Variants in LPP observed in about 807,000 individuals in gnomAD.
LPP encodes lipoma-preferred partner.
Under a neutral mutation model 60.4 loss-of-function variants are expected in LPP, and 38 were observed. That is an observed-to-expected ratio of 0.63 (90% CI 0.49 to 0.83). LPP has a LOEUF of 0.83. LPP is among the 40% of genes least tolerant of loss of function. The pLI, the probability that LPP is intolerant of heterozygous loss-of-function variation, is 0.00. For missense variants in LPP, 902 were observed against 783.6 expected, an observed-to-expected ratio of 1.15 and a Z score of -1.80; for synonymous variants, 328 against 290.8, an observed-to-expected ratio of 1.13 and a Z score of -1.30.
intron 5 of LPP, among the ~76,000 whole-genome samples, chr3:188,490,254 G>C (rs566267197): frequency 6.6e-6 from 1 of 152,280 alleles, no homozygotes; most frequent in South Asian, 2.1e-4. Context: ...AGAGTAACAT[G>C]AGCTATGCCC....
At chr3:188,484,850 T>A (rs1187277918) in intron 5 of LPP, 146 bp downstream of exon 5, 1 of 605,064 alleles carries the variant, frequency 1.7e-6, no homozygotes, top group African/African-American at 1.8e-5. Flanking sequence ...TTACAACTTA[T>A]GAAGATCTAA....
At chr3:188,497,862 C>T (rs1810695535) in intron 5 of LPP, among the ~76,000 whole-genome samples, 2 of 152,068 alleles carry the variant, frequency 1.3e-5, no homozygotes, top group African/African-American at 4.8e-5. Context: ...TCTTCTTGCC[C>T]AGTGGGGATA....
rs1833729938 is a variant in LPP at position 188,572,400 on chromosome 3, C to G, written c.430-36761C>G. Among the ~76,000 whole-genome samples, 1 of 151,998 alleles carries G rather than the reference C, an allele frequency of 6.6e-6. No individual in the cohort carries two copies. The highest frequency in any genetic ancestry group is 1.5e-5 in the Non-Finnish European group (1 of 67,998). On this transcript the variant is annotated intron_variant, in intron 6 of 11. Coordinates refer to ENST00000617246, the MANE Select transcript of LPP (RefSeq NM_001375462.1). This position sits in a 1 kb window ranked among gnomAD's most constrained non-coding sequence, Gnocchi z 4.1. ...ATTTGATGGGGTAGTGTAGTAAGAA[C>G]TCAATAAATGTTAGACTCCTCATTA...
intron 7 of LPP, among the ~76,000 whole-genome samples, chr3:188,657,833 T>G (rs2149067721): frequency 6.6e-6 from 1 of 152,318 alleles, no homozygotes; most frequent in East Asian, 1.9e-4. Flanking sequence ...CTCTTACAGA[T>G]TCTTCCATTT....
intron 2 of LPP, among the ~76,000 whole-genome samples, chr3:188,271,656 T>A (rs943525670): frequency 1.3e-5 from 2 of 152,218 alleles, no homozygotes; most frequent in African/African-American, 4.8e-5. Context: ...TAGTCTATTT[T>A]CAACAGACTA....
chr3:188,401,794 C>T (rs2030520), intron 3 of LPP, among the ~76,000 whole-genome samples: 92,337 of 152,030 alleles, frequency 0.61, 29,174 homozygotes, highest in African/African-American at 0.79. Context: ...CACCATGTGA[C>T]GAATATGTGA....
intron 7 of LPP, among the ~76,000 whole-genome samples, chr3:188,686,265 C>T (rs996325023): frequency 6.6e-6 from 1 of 152,140 alleles, no homozygotes; most frequent in Non-Finnish European, 1.5e-5. Context: ...ATGGCACTTC[C>T]AGTGGCTGAT....
At chr3:188,498,715 A>G (rs1339170726) in intron 5 of LPP, among the ~76,000 whole-genome samples, 1 of 152,100 alleles carries the variant, frequency 6.6e-6, no homozygotes, top group Non-Finnish European at 1.5e-5. Flanking sequence ...TCTATTTTTA[A>G]TATTTTGAGG....
intron 3 of LPP, among the ~76,000 whole-genome samples, chr3:188,365,131 TC>T (rs1380543128): frequency 3.4e-5 from 5 of 147,502 alleles, no homozygotes; most frequent in Non-Finnish European, 1.5e-5. Flanking sequence ...TTTTTTTTTT[TC>T]TGGTGACCTC....
At chr3:188,269,645 A>ATATATGTGTGTG (rs748506984) in intron 2 of LPP, among the ~76,000 whole-genome samples, 3 of 136,516 alleles carry the variant, frequency 2.2e-5, no homozygotes, top group South Asian at 2.4e-4. Context: ...CTTTTTTTTT[A>ATATATGTGTGTG]TGTGTGTGTG....
chr3:188,765,499 T>C (rs1733740798), intron 9 of LPP, among the ~76,000 whole-genome samples: 1 of 152,216 alleles, frequency 6.6e-6, no homozygotes, highest in South Asian at 2.1e-4. Flanking sequence ...CCTTACATTT[T>C]ATAATGCTAC....
intron 1 of LPP, among the ~76,000 whole-genome samples, chr3:188,208,726 CTGTAG>C (rs1013683231): frequency 6.6e-6 from 1 of 152,190 alleles, no homozygotes; most frequent in Non-Finnish European, 1.5e-5. Context: ...TTGAGCCTTC[CTGTAG>C]ACATATGTGA....
chr3:188,192,018 G>T (rs1728317814), intron 1 of LPP, among the ~76,000 whole-genome samples: 1 of 152,110 alleles, frequency 6.6e-6, no homozygotes. Context: ...GGACAACTAG[G>T]AGCCTCAAAA....
intron 3 of LPP, among the ~76,000 whole-genome samples, chr3:188,378,518 G>T (rs1011461621): frequency 1.3e-4 from 20 of 152,334 alleles, no homozygotes; most frequent in Admixed American, 1.0e-3. Flanking sequence ...GAGCCAGGTG[G>T]GGGATATAAT....
At chr3:188,230,332 C>T (rs1180641089) in intron 2 of LPP, among the ~76,000 whole-genome samples, 4 of 152,164 alleles carry the variant, frequency 2.6e-5, no homozygotes, top group African/African-American at 9.7e-5. Context: ...GATCCATCCA[C>T]CTTGGCCCTC....
intron 9 of LPP, among the ~76,000 whole-genome samples, chr3:188,801,181 C>T (rs1449638170): frequency 6.6e-6 from 1 of 152,098 alleles, no homozygotes; most frequent in African/African-American, 2.4e-5. Flanking sequence ...GAATGAAGAG[C>T]CCTAGATTTT....
At chr3:188,389,454 C>T (rs948503175) in intron 3 of LPP, among the ~76,000 whole-genome samples, 1 of 152,098 alleles carries the variant, frequency 6.6e-6, no homozygotes, top group African/African-American at 2.4e-5. Context: ...TGTGCTTGAC[C>T]TCCTGCTTAG....
Position 188,390,187 on chromosome 3 carries a change from G to A in LPP, c.-9-15925G>A, listed in dbSNP as rs190129626. Among the ~76,000 whole-genome samples the A allele has an allele frequency of 1.1e-4, 17 of 152,222 alleles. No homozygotes were observed. The East Asian group carries it at 3.3e-3, about 29-fold the overall frequency. On this transcript the variant is annotated intron_variant, in intron 3 of 11. Transcript: ENST00000617246. ...TGCCCCTCCCTGCAATCTTTCCATTGTTGTGTGTGGTACAGGAACTGAGAC... is the reference window on the plus strand; with the variant it reads ...TGCCCCTCCCTGCAATCTTTCCATTATTGTGTGTGGTACAGGAACTGAGAC...
chr3:188,251,746 A>C (rs1229864601), intron 2 of LPP, among the ~76,000 whole-genome samples: 1 of 151,922 alleles, frequency 6.6e-6, no homozygotes, highest in East Asian at 1.9e-4. Flanking sequence ...TACCTGGATT[A>C]GTTCTTTCTT....
Sources: gnomAD v4.1 joint callset for allele counts (sites outside exome capture counted in the v4.1 genomes callset) on GRCh38, gnomAD v4.1.1 for gene constraint, Gnocchi (gnomAD v3.1) non-coding constraint, MANE v1.5 for transcripts, NCBI Gene and HGNC (gene_info 2026-07-23, HGNC 2026-07-21) for gene names.